The following PZP variants were observed in gnomAD, a reference collection of about 807,000 sequenced individuals.
The protein encoded by PZP is pregnancy zone protein.
Under a neutral mutation model 179.8 loss-of-function variants are expected in PZP, and 150 were observed. The ratio of observed to expected loss-of-function variants is 0.83; its 90% CI spans 0.73 to 0.96. The LOEUF is 0.96. Ranked by LOEUF, PZP falls within the 40% of genes least tolerant of loss-of-function variation. PZP has a pLI of 0.00. For synonymous variants in PZP, 624 were observed against 652.3 expected, an observed-to-expected ratio of 0.96 and a Z score of 0.66; for missense variants, 1,689 against 1,764.0, an observed-to-expected ratio of 0.96 and a Z score of 0.76.
In PZP at chr12:9,166,136, T is replaced by G; in HGVS notation, c.2174A>C (p.Asn725Thr). 1 of 1,614,084 alleles carries G rather than the reference T, an allele frequency of 6.2e-7. No homozygotes were observed. Among genetic ancestry groups the G allele is most frequent in the Non-Finnish European group, 8.5e-7 (1 of 1,180,000 alleles). Residue 725 changes from asparagine (N) to threonine (T), a missense_variant, in exon 18 of 36, where the codon AAT (asparagine) becomes ACT (threonine). Around this residue, in one of 3 missense-constraint regions of PZP, gnomAD observed 201 missense variants for 284.2 expected, o/e 0.71. Coordinates refer to ENST00000261336, the MANE Select transcript of PZP (RefSeq NM_002864.3). ...QLGTYNVIPL[N>T]NEQSSGPVPE... ...GACTGGCCCTGAACTTTGTTCATTA[T>G]TTAAGGGTATCACATTATATGTGCC...
At chr12:9,149,696 C>A in intron 34 of PZP, 94 bp from the exon 35 acceptor site, 1 of 1,173,890 alleles carries the variant, frequency 8.5e-7, no homozygotes, top group Non-Finnish European at 1.2e-6. Context: ...TGGAGAAAAG[C>A]ACGCCCTATC....
At position 9,202,630 on chromosome 12, in the gene PZP, C is replaced by A; in HGVS notation, c.322G>T (p.Gly108Trp). The stretch of plus-strand genomic sequence containing the variant: ...CTCTTCCTGAAATCTTGCGTAGGCC[C>A]CTTTATCTGGATGCTAAGGAATGCC... ...EVAFLSIQIK[G>W]PTQDFRKRNT... The change falls in exon 3 of 36, where the codon GGG (glycine) becomes TGG (tryptophan). Residue 108 changes from glycine (G) to tryptophan (W), a missense_variant. Coordinates refer to ENST00000261336, the MANE Select transcript of PZP (RefSeq NM_002864.3). 8 of 1,614,008 alleles carry A rather than the reference C, an allele frequency of 5.0e-6. No homozygotes were observed. Among genetic ancestry groups the A allele is most frequent in the Non-Finnish European group, 6.8e-6 (8 of 1,179,966 alleles).
chr12:9,160,971 G>T, intron 23 of PZP, 62 bp downstream of exon 23: 2 of 1,276,740 alleles, frequency 1.6e-6, no homozygotes, highest in Non-Finnish European at 2.3e-6. Flanking sequence ...ATACAAATAC[G>T]TAGATAAGAT....
At chr12:9,202,457 A>C in intron 3 of PZP, 68 bp downstream of exon 3, 1 of 1,612,544 alleles carries the variant, frequency 6.2e-7, no homozygotes, top group East Asian at 2.2e-5. Flanking sequence ...GGCTAGGATA[A>C]TGGAGACTTT....
At chr12:9,139,931 A>G in the PZP span, among the ~76,000 whole-genome samples, 1 of 152,136 alleles carries the variant, frequency 6.6e-6, no homozygotes, top group Non-Finnish European at 1.5e-5. Flanking sequence ...CAGGCTTGGA[A>G]TGTTTCTGTG....
chr12:9,182,212 A>G (rs776564937), intron 13 of PZP, 95 bp from the exon 14 acceptor site: 290 of 1,169,546 alleles, frequency 2.5e-4, no homozygotes, highest in Non-Finnish European at 3.2e-4. Flanking sequence ...GGTCTTATCC[A>G]CTTGAGAACT....
In PZP at chr12:9,200,395, C is replaced by T; in HGVS notation, c.724G>A (p.Asp242Asn). 5 of 1,610,868 alleles carry T rather than the reference C, an allele frequency of 3.1e-6. No homozygotes were observed. The highest frequency in any genetic ancestry group is 4.2e-6 in the Non-Finnish European group (5 of 1,177,334). Residue 242 changes from aspartate (D) to asparagine (N), a missense_variant, in exon 7 of 36, where the codon GAT (aspartate) becomes AAT (asparagine). Asp to Asn is a conservative substitution (Grantham distance 23). Transcript: ENST00000261336. ...VQVPKIISIM[D>N]EKVNITVCGE... is the part of the protein sequence containing the mutation. Reference sequence around the variant, plus strand: ...CAGACTGTTATGTTCACTTTTTCATCCATGATACTGATTATCTTTGGCACC... The same window carrying T: ...CAGACTGTTATGTTCACTTTTTCATTCATGATACTGATTATCTTTGGCACC...
chr12:9,184,462 C>T (rs1942976230), intron 13 of PZP, among the ~76,000 whole-genome samples: 1 of 152,224 alleles, frequency 6.6e-6, no homozygotes, highest in Non-Finnish European at 1.5e-5. Context: ...GTGGGGATCC[C>T]CCAATCCCCT....
chr12:9,166,937 A>G (rs1201674696), intron 17 of PZP: 1 of 152,230 alleles, frequency 6.6e-6, no homozygotes. Context: ...CCCTCCATGT[A>G]TCCCATCTGA....
Position 9,202,505 on chromosome 12 carries a change from A to C in PZP, c.427+20T>G, listed in dbSNP as rs1439782835. 6.2e-7 allele frequency: 1 copy of C among 1,613,772 alleles called. No individual in the cohort carries two copies. The highest frequency in any genetic ancestry group is 1.1e-5 in the South Asian group (1 of 90,978). Reference sequence around the variant, plus strand: ...GGCCCTTCTCAGTGTTGCCCCAAACAGTGGAATTTCCCTACTTACCTGTCT... The same window carrying C: ...GGCCCTTCTCAGTGTTGCCCCAAACCGTGGAATTTCCCTACTTACCTGTCT... On this transcript the variant is annotated intron_variant, in intron 3 of 35. Coordinates refer to ENST00000261336, the MANE Select transcript of PZP (RefSeq NM_002864.3).
intron 7 of PZP, among the ~76,000 whole-genome samples, chr12:9,197,580 A>G (rs1310895479): frequency 1.0e-5 from 1 of 100,426 alleles, no homozygotes; most frequent in Non-Finnish European, 1.8e-5. Context: ...ATAATATATG[A>G]CATAATATAA....
chr12:9,169,384 T>G, intron 16 of PZP, 46 bp downstream of exon 16: 1 of 1,479,194 alleles, frequency 6.8e-7, no homozygotes. Context: ...TTATTAACAT[T>G]CAAAAACTCA....
chr12:9,187,827 C>A (rs1943217044), intron 13 of PZP, among the ~76,000 whole-genome samples: 1 of 152,212 alleles, frequency 6.6e-6, no homozygotes, highest in Admixed American at 6.5e-5. Flanking sequence ...ACTACTTGCT[C>A]TTCGGAACCT....
At chr12:9,162,925 C>A (rs781142961) in intron 21 of PZP, among the ~76,000 whole-genome samples, 1 of 152,182 alleles carries the variant, frequency 6.6e-6, no homozygotes, top group East Asian at 1.9e-4. Context: ...GATGCTCTCC[C>A]TTCTGTCACT....
chr12:9,138,475 T>C, the PZP span, among the ~76,000 whole-genome samples: 11 of 152,092 alleles, frequency 7.2e-5, no homozygotes, highest in Admixed American at 7.2e-4. Flanking sequence ...TTTTTTTTCT[T>C]GTAGTGTCCT....
intron 1 of PZP, among the ~76,000 whole-genome samples, chr12:9,206,267 A>G (rs1034282429): frequency 6.6e-6 from 1 of 151,438 alleles, no homozygotes; most frequent in Non-Finnish European, 1.5e-5. Flanking sequence ...TTTATAATTT[A>G]TTTACTATTT....
Position 9,203,790 on chromosome 12 carries a change from A to T in PZP, c.245T>A (p.Leu82Ter). ...LFTDLVAEKD[L>*]FHCVSFTLPR... Reference sequence around the variant, plus strand: ...CACAGTGAAGGAGACACAGTGGAATAAGTCCTTCTCCGCCACCAGGTCAGT... The same window carrying T: ...CACAGTGAAGGAGACACAGTGGAATTAGTCCTTCTCCGCCACCAGGTCAGT... The change falls in exon 2 of 36, where the codon TTA (leucine) becomes TAA (stop). Residue 82 changes from leucine to a stop codon, truncating the protein, a stop_gained. Coordinates refer to ENST00000261336, the MANE Select transcript of PZP (RefSeq NM_002864.3). LOFTEE classifies it high-confidence loss of function. 1 of 1,614,108 alleles carries T rather than the reference A, an allele frequency of 6.2e-7. No homozygotes were observed. Among genetic ancestry groups the T allele is most frequent in the Non-Finnish European group, 8.5e-7 (1 of 1,180,004 alleles).
At chr12:9,140,961 G>T in the PZP span, among the ~76,000 whole-genome samples, 11 of 152,100 alleles carry the variant, frequency 7.2e-5, no homozygotes, top group Non-Finnish European at 1.5e-4. Context: ...GATTCTTATT[G>T]CACTGATGGA....
At position 9,168,873 on chromosome 12, in the gene PZP, A is replaced by C. The variant is rs750273929; in HGVS notation, c.2103T>G (p.Tyr701Ter). Reference sequence around the variant, plus strand: ...AAAAGCAAATTGCTGTTTTACCTCCATAGTATCCTTGACCTACTGCTCCTG... The same window carrying C: ...AAAAGCAAATTGCTGTTTTACCTCCCTAGTATCCTTGACCTACTGCTCCTG... Reference protein sequence around the residue: ...VSAGAVGQGYYGAGLGVVERP... With the variant: ...VSAGAVGQGY Residue 701 changes from tyrosine (Y) to a stop codon, truncating the protein, a stop_gained, in exon 17 of 36, where the codon TAT (tyrosine) becomes TAG (stop). Transcript: ENST00000261336. LOFTEE classifies it high-confidence loss of function. 2 of 1,611,804 alleles carry C rather than the reference A, an allele frequency of 1.2e-6. No individual in the cohort carries two copies. Among genetic ancestry groups the C allele is most frequent in the Middle Eastern group, 1.7e-4 (1 of 6,046 alleles).
Sources: gnomAD v4.1 joint callset for allele counts (sites outside exome capture counted in the v4.1 genomes callset) on GRCh38, gnomAD v4.1.1 for gene constraint, gnomAD v4.1.1 regional missense constraint, MANE v1.5 for transcripts, NCBI Gene and HGNC (gene_info 2026-07-23, HGNC 2026-07-21) for gene names.